Variants in MACROD1 observed in about 807,000 individuals in gnomAD.
MACROD1 encodes ADP-ribose glycohydrolase MACROD1.
MACROD1 carries 31 observed loss-of-function variants against 41.4 expected under a neutral mutation model. The ratio of observed to expected loss-of-function variants is 0.75; its 90% CI spans 0.56 to 1.01. The LOEUF (loss-of-function observed/expected upper bound fraction) is 1.01. MACROD1 is among the 50% of genes least tolerant of loss of function. MACROD1 has a pLI of 0.00. For missense variants in MACROD1, 473 were observed against 460.0 expected (o/e 1.03, Z -0.26); for synonymous variants, 252 against 203.4 (o/e 1.24, Z -2.03).
chr11:64,046,297 A>G (rs899290093), intron 3 of MACROD1, among the ~76,000 whole-genome samples: 6 of 152,168 alleles, frequency 3.9e-5, no homozygotes, highest in Non-Finnish European at 7.4e-5. Context: ...TCTAGTAGCA[A>G]ACTTAGTTGC....
At chr11:63,999,224 G>T in intron 8 of MACROD1, 107 bp downstream of exon 8, 1 of 1,427,642 alleles carries the variant, frequency 7.0e-7, no homozygotes, top group Non-Finnish European at 9.5e-7. Flanking sequence ...GGGAAGGAAG[G>T]GGCGGGCCTG....
intron 4 of MACROD1, among the ~76,000 whole-genome samples, chr11:64,008,345 C>T (rs1942948835): frequency 6.6e-6 from 1 of 151,428 alleles, no homozygotes; most frequent in African/African-American, 2.4e-5. Context: ...GAGGAGGGAC[C>T]GGCCCTGGGT....
intron 3 of MACROD1, among the ~76,000 whole-genome samples, chr11:64,119,673 G>A (rs1565244706): frequency 6.6e-6 from 1 of 152,134 alleles, no homozygotes; most frequent in Non-Finnish European, 1.5e-5. Flanking sequence ...CTGGGACTCT[G>A]TTTCTTGAGA....
At chr11:64,027,827 C>T (rs1342961994) in intron 3 of MACROD1, among the ~76,000 whole-genome samples, 1 of 152,196 alleles carries the variant, frequency 6.6e-6, no homozygotes, top group Non-Finnish European at 1.5e-5. Flanking sequence ...TCCCCCACCA[C>T]GGATTTGAAA....
intron 3 of MACROD1, among the ~76,000 whole-genome samples, chr11:64,055,583 C>T (rs1049315680): frequency 1.3e-5 from 2 of 152,224 alleles, no homozygotes; most frequent in Non-Finnish European, 2.9e-5. Flanking sequence ...CTTTCTCTGT[C>T]CCTCCACGAG....
rs147227054 is a variant in MACROD1, at chr11:64,008,589, C to T, written c.547+6663G>A. 1.2e-3 allele frequency among the ~76,000 whole-genome samples: 186 copies of T among 152,218 alleles called. 1 individual carries two copies. Among genetic ancestry groups the T allele is most frequent in the African/African-American group, 4.3e-3 (179 of 41,514 alleles). On this transcript the variant is annotated intron_variant, in intron 4 of 10. Coordinates refer to ENST00000255681, the MANE Select transcript of MACROD1 (RefSeq NM_014067.4). ...CCCGGGAGCAGCATGTGCAAAGGCC[C>T]GGTGCTAGGGGAAGACAGTGAGGGA...
chr11:64,108,683 A>G (rs925966894), intron 3 of MACROD1, among the ~76,000 whole-genome samples: 1 of 152,150 alleles, frequency 6.6e-6, no homozygotes, highest in African/African-American at 2.4e-5. Context: ...GGGCTGAGAA[A>G]CTGCTTCTGC....
At chr11:64,071,186 C>A (rs879399871) in intron 3 of MACROD1, among the ~76,000 whole-genome samples, 5 of 152,062 alleles carry the variant, frequency 3.3e-5, no homozygotes, top group African/African-American at 7.2e-5. Context: ...CCCCTGGTTT[C>A]CCCCAGCTGC....
At chr11:63,999,494 G>T in intron 7 of MACROD1, 36 bp downstream of exon 7, 2 of 1,590,918 alleles carry the variant, frequency 1.3e-6, no homozygotes, top group Non-Finnish European at 1.7e-6. Flanking sequence ...TGGGTCCACC[G>T]CCCACTCCTG....
intron 3 of MACROD1, among the ~76,000 whole-genome samples, chr11:64,094,458 A>G (rs1396602906): frequency 6.6e-6 from 1 of 152,002 alleles, no homozygotes; most frequent in Non-Finnish European, 1.5e-5. Flanking sequence ...CCAAAAAACA[A>G]AGTTAAGCAG....
At chr11:64,128,057 G>A (rs558158445) in intron 3 of MACROD1, among the ~76,000 whole-genome samples, 4 of 152,340 alleles carry the variant, frequency 2.6e-5, no homozygotes, top group Admixed American at 2.6e-4. Context: ...AATTCTCAGT[G>A]GCCGGTGGCC....
chr11:64,014,470 T>C (rs504314), intron 4 of MACROD1, among the ~76,000 whole-genome samples: 76,991 of 152,154 alleles, frequency 0.51, 21,457 homozygotes, highest in African/African-American at 0.74. Context: ...GCCTGGGCCC[T>C]GCCACCGCTG....
Position 63,999,385 on chromosome 11 carries a change from G to A in MACROD1, c.837C>T (p.Ala279=), listed in dbSNP as rs761030683. The change falls in exon 8 of 11, where the codon GCC becomes GCT. Residue 279 remains alanine (A), a synonymous_variant. Transcript: ENST00000255681. ...TGVFGYPCEA[A]AEIVLATLRE... The stretch of plus-strand genomic sequence containing the variant: ...GCAGCGTGGCCAGCACGATCTCGGC[G>A]GCCGCCTCACAGGGGTAGCCTGAGG... 3.1e-6 allele frequency: 5 copies of A among 1,591,898 alleles called. No individual in the cohort carries two copies. Among genetic ancestry groups the A allele is most frequent in the Non-Finnish European group, 4.3e-6 (5 of 1,173,510 alleles).
intron 3 of MACROD1, among the ~76,000 whole-genome samples, chr11:64,025,899 C>T (rs916827631): frequency 3.3e-5 from 5 of 151,896 alleles, no homozygotes; most frequent in African/African-American, 9.7e-5. Context: ...TTAAAATTTT[C>T]GGGCCGGGCG....
In MACROD1 at chr11:64,117,002, C is replaced by T. The variant is rs3751121; in HGVS notation, c.517+34237G>A. On this transcript the variant is annotated intron_variant, in intron 3 of 10. Coordinates refer to ENST00000255681, the MANE Select transcript of MACROD1 (RefSeq NM_014067.4). ...AGCGCATCGCCGACGACACCTTCAG[C>T]CGCCTACAGAACCTCACAGAGCTCT... 0.031 allele frequency: 50,339 copies of T among 1,612,298 alleles called. 6,074 individuals carry two copies. The East Asian group carries it at 0.46, about 15-fold the overall frequency.
At chr11:64,051,259 A>G (rs1439755801) in intron 3 of MACROD1, among the ~76,000 whole-genome samples, 1 of 152,190 alleles carries the variant, frequency 6.6e-6, no homozygotes, top group Non-Finnish European at 1.5e-5. Context: ...TAGGTGCCCA[A>G]TCAGGGGAGG....
At chr11:64,131,243 G>C (rs1325128081) in intron 3 of MACROD1, among the ~76,000 whole-genome samples, 2 of 152,226 alleles carry the variant, frequency 1.3e-5, no homozygotes, top group African/African-American at 2.4e-5. Context: ...GTTACACCCA[G>C]CTTGGCCATA....
At chr11:64,085,556 G>A (rs956700684) in intron 3 of MACROD1, among the ~76,000 whole-genome samples, 3 of 152,190 alleles carry the variant, frequency 2.0e-5, no homozygotes, top group Admixed American at 1.3e-4. Flanking sequence ...CACTAAGTAC[G>A]TCCCCTGCCG....
intron 1 of MACROD1, among the ~76,000 whole-genome samples, chr11:64,158,974 T>A (rs1945710981): frequency 6.6e-6 from 1 of 150,802 alleles, no homozygotes; most frequent in African/African-American, 2.4e-5. Context: ...TTGCTTGAGC[T>A]CATGAGTTCA....
Sources: gnomAD v4.1 joint callset for allele counts (sites outside exome capture counted in the v4.1 genomes callset) on GRCh38, gnomAD v4.1.1 for gene constraint, MANE v1.5 for transcripts, NCBI Gene and HGNC (gene_info 2026-07-23, HGNC 2026-07-21) for gene names.